The following SCN9A variants were observed in gnomAD, a reference collection of about 807,000 sequenced individuals.
The protein encoded by SCN9A is sodium channel protein type 9 subunit alpha.
In SCN9A, 131 loss-of-function variants were observed where a neutral mutation model predicts 187.0. The ratio of observed to expected loss-of-function variants is 0.70; its 90% CI spans 0.61 to 0.81. SCN9A has a LOEUF of 0.81. SCN9A is among the 30% of genes least tolerant of loss of function. The pLI is 0.00. For missense variants in SCN9A, 2,252 were observed against 2,396.6 expected (o/e 0.94, Z 1.26); for synonymous variants, 809 against 808.6 (o/e 1.00, Z -0.01).
chr2:166,355,104 AT>A (rs34038642), intron 1 of SCN9A, among the ~76,000 whole-genome samples: 34,126 of 147,866 alleles, frequency 0.23, 4,899 homozygotes, highest in African/African-American at 0.41. Context: ...TGTCTGGCTA[AT>A]TTTTTTTTTT....
At position 166,303,165 on chromosome 2, in the gene SCN9A, A is replaced by G. The variant is rs1490304119; in HGVS notation, c.826T>C (p.Phe276Leu). 6.2e-7 allele frequency: 1 copy of G among 1,613,246 alleles called. No homozygotes were observed. The highest frequency in any genetic ancestry group is 8.5e-7 in the Non-Finnish European group (1 of 1,179,466). The change falls in exon 7 of 27, where the codon TTT becomes CTT. Residue 276 changes from phenylalanine to leucine, a missense_variant. Physicochemically the swap from Phe to Leu is conservative, Grantham distance 22. Transcript: ENST00000642356. ...TCATTATTTTCAAGTGAATTTCGAA[A>G]ACATTTATGCTTCAGGTTTCCCATG... ...LFMGNLKHKCFRNSLENNETL... is the reference protein window; with the variant it reads ...LFMGNLKHKCLRNSLENNETL...
intron 1 of SCN9A, among the ~76,000 whole-genome samples, chr2:166,357,557 C>A (rs1210471716): frequency 2.0e-5 from 3 of 152,120 alleles, no homozygotes; most frequent in Non-Finnish European, 4.4e-5. Flanking sequence ...AGTTGATAAT[C>A]CCCATGACAA....
intron 1 of SCN9A, among the ~76,000 whole-genome samples, chr2:166,325,661 A>T (rs1699345340): frequency 6.6e-6 from 1 of 152,198 alleles, no homozygotes; most frequent in African/African-American, 2.4e-5. Flanking sequence ...AAGCTTTATT[A>T]CATATCCATC....
intron 1 of SCN9A, among the ~76,000 whole-genome samples, chr2:166,338,525 C>T (rs6757314): frequency 0.17 from 26,432 of 151,836 alleles, 2,314 homozygotes; most frequent in Admixed American, 0.19. Flanking sequence ...AGGAAAGGAG[C>T]AAAAATAGTA....
At chr2:166,328,257 T>C (rs1574930880) in intron 1 of SCN9A, among the ~76,000 whole-genome samples, 1 of 152,320 alleles carries the variant, frequency 6.6e-6, no homozygotes, top group African/African-American at 2.4e-5. Context: ...ATGCATTTTT[T>C]TTTTAACTTT....
intron 1 of SCN9A, among the ~76,000 whole-genome samples, chr2:166,314,404 T>C (rs949869872): frequency 6.6e-6 from 1 of 152,140 alleles, no homozygotes; most frequent in Non-Finnish European, 1.5e-5. Context: ...CATTCAAAAG[T>C]AGGATGATTC....
At chr2:166,231,633 C>CCT (rs200436434) in intron 21 of SCN9A, among the ~76,000 whole-genome samples, 3,930 of 142,956 alleles carry the variant, frequency 0.027, 171 homozygotes, top group African/African-American at 0.094. Context: ...CTCACTGCAA[C>CCT]CTCTGCCTCC....
Position 166,305,834 on chromosome 2 carries a change from C to G in SCN9A, c.554G>C (p.Arg185Pro), listed in dbSNP as rs73969684. ...AAAATCCAGCCAGTTCCACGGGTCACGAAGAAAAGTGAATTCTCCTACACA... is the reference window on the plus strand; with the variant it reads ...AAAATCCAGCCAGTTCCACGGGTCAGGAAGAAAAGTGAATTCTCCTACACA... Reference protein sequence around the residue: ...GFCVGEFTFLRDPWNWLDFVV... With the variant: ...GFCVGEFTFLPDPWNWLDFVV... The change falls in exon 5 of 27, where the codon CGT becomes CCT. Residue 185 changes from arginine to proline, a missense_variant. Coordinates refer to ENST00000642356, the MANE Select transcript of SCN9A (RefSeq NM_001365536.1). 5.0e-6 allele frequency: 8 copies of G among 1,613,188 alleles called. No individual in the cohort carries two copies. Among genetic ancestry groups the G allele is most frequent in the Non-Finnish European group, 5.9e-6 (7 of 1,179,510 alleles).
intron 11 of SCN9A, among the ~76,000 whole-genome samples, chr2:166,285,275 G>T (rs888868151): frequency 2.0e-5 from 3 of 152,164 alleles, no homozygotes; most frequent in Non-Finnish European, 4.4e-5. Flanking sequence ...CAGTTAAAGT[G>T]TATTTAAAGA....
Position 166,196,328 on chromosome 2 carries a change from G to T in SCN9A, c.*2344C>A, listed in dbSNP as rs200962814. 1 of 151,424 alleles carries T rather than the reference G, an allele frequency of 6.6e-6. No individual in the cohort carries two copies. Among genetic ancestry groups the T allele is most frequent in the Admixed American group, 6.6e-5 (1 of 15,170 alleles). 9.4% of individuals were successfully genotyped at this position (151,424 alleles called of 1,614,324 possible). ...ACAAGTAGACATTCCTGAAACAAAC[G>T]TAAATATATATAAAACTTAACCATG... On this transcript the variant is annotated 3_prime_UTR_variant, in exon 27 of 27. Coordinates refer to ENST00000642356, the MANE Select transcript of SCN9A (RefSeq NM_001365536.1).
At chr2:166,295,358 A>G (rs1698251778) in intron 7 of SCN9A, among the ~76,000 whole-genome samples, 1 of 152,224 alleles carries the variant, frequency 6.6e-6, no homozygotes, top group African/African-American at 2.4e-5. Context: ...ACTGTGATAC[A>G]TTCTGAGAAA....
At chr2:166,279,520 T>A (rs6739404) in intron 14 of SCN9A, among the ~76,000 whole-genome samples, 57,834 of 151,972 alleles carry the variant, frequency 0.38, 11,094 homozygotes, top group Non-Finnish European at 0.4. Context: ...ATTTTAGAGA[T>A]CACTCTGGCA....
Position 166,284,732 on chromosome 2 carries a change from T to C in SCN9A, c.1695A>G (p.Gly565=), listed in dbSNP as rs1574864584. The change falls in exon 12 of 27, where the codon GGA becomes GGG. Residue 565 remains glycine, a synonymous_variant. Transcript: ENST00000642356. ...CATCATCGGCAAATTCAGTCTCAGATCCTATATCTCTTCCTCTGCCTTTGA... is the reference window on the plus strand; with the variant it reads ...CATCATCGGCAAATTCAGTCTCAGACCCTATATCTCTTCCTCTGCCTTTGA... ...FSFKGRGRDI[G]SETEFADDEH... The C allele has an allele frequency of 2.5e-6, 4 of 1,613,970 alleles. No homozygotes were observed. Among genetic ancestry groups the C allele is most frequent in the Non-Finnish European group, 3.4e-6 (4 of 1,179,886 alleles).
chr2:166,242,363 C>A, intron 19 of SCN9A, 139 bp downstream of exon 19: 1 of 660,388 alleles, frequency 1.5e-6, no homozygotes, highest in Non-Finnish European at 2.4e-6. Context: ...TTACTGAGCT[C>A]AAGTAAAATT....
chr2:166,357,390 T>C lies in SCN9A; in HGVS notation c.-51+18307A>G, dbSNP rs555139503. On this transcript the variant is annotated intron_variant, in intron 1 of 26. Transcript: ENST00000642356. ...CTGAATTTCTATCCTACCCTAACTC[T>C]GCTGATCTTTAAGAAACAGGTAAAA... Among the ~76,000 whole-genome samples, 144 of 152,332 alleles carry C rather than the reference T, an allele frequency of 9.5e-4. 3 individuals carry two copies. The South Asian group carries it at 0.029, about 31-fold the overall frequency.
intron 24 of SCN9A, among the ~76,000 whole-genome samples, chr2:166,206,978 A>G (rs767181432): frequency 6.6e-6 from 1 of 152,182 alleles, no homozygotes; most frequent in Non-Finnish European, 1.5e-5. Context: ...TTTAAAATTC[A>G]ACAGTAAATA....
At chr2:166,238,962 T>G (rs1695441296) in intron 19 of SCN9A, among the ~76,000 whole-genome samples, 1 of 152,204 alleles carries the variant, frequency 6.6e-6, no homozygotes, top group Non-Finnish European at 1.5e-5. Context: ...GTGACAACAT[T>G]AGGTGAGCTC....
At chr2:166,308,431 T>G (rs1462772426) in intron 2 of SCN9A, among the ~76,000 whole-genome samples, 3 of 152,238 alleles carry the variant, frequency 2.0e-5, no homozygotes, top group Non-Finnish European at 4.4e-5. Context: ...TGAGATCTGA[T>G]GGGTTTAAAA....
chr2:166,326,834 T>C (rs552177570), intron 1 of SCN9A, among the ~76,000 whole-genome samples: 1 of 152,296 alleles, frequency 6.6e-6, no homozygotes, highest in South Asian at 2.1e-4. Context: ...CATATATTAA[T>C]CACTAGTGTT....
Sources: allele counts gnomAD v4.1 joint callset (sites outside exome capture counted in the v4.1 genomes callset), GRCh38; gene constraint gnomAD v4.1.1; transcripts MANE v1.5; gene names NCBI Gene and HGNC (gene_info 2026-07-23, HGNC 2026-07-21).